SAMHD1: variants seen among roughly 807,000 people sequenced by gnomAD.
SAMHD1 encodes deoxynucleoside triphosphate triphosphohydrolase SAMHD1.
In SAMHD1, 54 loss-of-function variants were observed where a neutral mutation model predicts 79.6. The observed-to-expected ratio is 0.68, with a 90% CI of 0.55 to 0.85. The LOEUF (loss-of-function observed/expected upper bound fraction) is 0.85, where lower values mean the gene tolerates loss of function less well. Ranked by LOEUF, SAMHD1 falls within the 40% of genes least tolerant of loss-of-function variation. The pLI is 0.00. For missense variants in SAMHD1, 663 were observed against 782.7 expected, an observed-to-expected ratio of 0.85 and a Z score of 1.82; for synonymous variants, 260 against 264.1, an observed-to-expected ratio of 0.98 and a Z score of 0.15.
intron 9 of SAMHD1, among the ~76,000 whole-genome samples, chr20:36,916,230 TTA>T (rs1022784463): frequency 3.9e-5 from 6 of 152,158 alleles, no homozygotes; most frequent in African/African-American, 1.4e-4. Flanking sequence ...CACTTGTTAA[TTA>T]TATGCCTTCT....
intron 1 of SAMHD1, among the ~76,000 whole-genome samples, chr20:36,950,461 T>C (rs943397405): frequency 2.6e-5 from 4 of 152,000 alleles, no homozygotes; most frequent in African/African-American, 9.7e-5. Context: ...ATGCAAAAAT[T>C]TACTAAATTT....
At chr20:36,904,719 A>C in intron 12 of SAMHD1, 1 of 177,654 alleles carries the variant, frequency 5.6e-6, no homozygotes, top group East Asian at 1.4e-4. Context: ...TCTGTCTAAA[A>C]ACAAACAAAC....
rs1369844521 is a variant in SAMHD1, at chr20:36,890,390, T to TTC, written c.*2540_*2541dup. 5 of 19,714 alleles carry TTC rather than the reference T, an allele frequency of 2.5e-4. No individual in the cohort carries two copies. The highest frequency in any genetic ancestry group is 6.4e-4 in the African/African-American group (4 of 6,268). 1.2% of individuals were successfully genotyped at this position (19,714 alleles called of 1,614,324 possible). A position where few individuals can be genotyped will look rare whatever the true frequency, so the allele number is the denominator to read the frequency against. ...ATTTTTATACAAATAGCAAAGATATTTCTTTCTCTTTCTTTCTTTCTTTCT... is the reference window on the plus strand; with the variant it reads ...ATTTTTATACAAATAGCAAAGATATTTCTCTTTCTCTTTCTTTCTTTCTTTCT... On this transcript the variant is annotated 3_prime_UTR_variant, in exon 16 of 16. Transcript: ENST00000646673.
intron 3 of SAMHD1, among the ~76,000 whole-genome samples, chr20:36,937,490 A>C (rs1016284144): frequency 1.3e-5 from 2 of 152,244 alleles, no homozygotes; most frequent in Non-Finnish European, 2.9e-5. Flanking sequence ...ATAAGGATTT[A>C]CATCCAGAAC....
intron 2 of SAMHD1, 50 bp downstream of exon 2, chr20:36,946,688 A>G: frequency 6.9e-7 from 1 of 1,445,712 alleles, no homozygotes; most frequent in Non-Finnish European, 9.6e-7. Context: ...TCCCTGAAAG[A>G]TGGATAAAGT....
chr20:36,900,204 A>C lies in SAMHD1; in HGVS notation c.1504-1660T>G, dbSNP rs181882598. Among the ~76,000 whole-genome samples the C allele has an allele frequency of 3.0e-3, 457 of 152,266 alleles. 3 individuals carry two copies. Among genetic ancestry groups the C allele is most frequent in the African/African-American group, 0.01 (433 of 41,556 alleles). On this transcript the variant is annotated intron_variant, in intron 13 of 15. Transcript: ENST00000646673. ...CAGCTAGATAGGAGGAGTAAGTTCT[A>C]GGGTTCTATAGTACTGTAGGATGAC...
chr20:36,931,994 A>C (rs1435130067), intron 4 of SAMHD1, among the ~76,000 whole-genome samples: 1 of 151,994 alleles, frequency 6.6e-6, no homozygotes, highest in Non-Finnish European at 1.5e-5. Context: ...AACAAAAAAA[A>C]GAGGGCCGGG....
chr20:36,899,227 A>G (rs1350326717), intron 13 of SAMHD1, among the ~76,000 whole-genome samples: 3 of 150,644 alleles, frequency 2.0e-5, no homozygotes, highest in Non-Finnish European at 4.4e-5. Context: ...CCTGGTCAAC[A>G]TGGTGAAACC....
chr20:36,910,131 G>A (rs1350972573), intron 11 of SAMHD1, among the ~76,000 whole-genome samples: 2 of 151,568 alleles, frequency 1.3e-5, no homozygotes, highest in Non-Finnish European at 2.9e-5. Context: ...GCTGAGGCAG[G>A]AGAATGGTGT....
intron 6 of SAMHD1, among the ~76,000 whole-genome samples, chr20:36,921,379 C>T (rs1469515253): frequency 5.0e-5 from 5 of 99,428 alleles, no homozygotes; most frequent in Non-Finnish European, 7.0e-5. Context: ...GGCGACACAG[C>T]GAGACTCTGT....
At chr20:36,944,472 C>T (rs1248240214) in intron 2 of SAMHD1, among the ~76,000 whole-genome samples, 1 of 152,176 alleles carries the variant, frequency 6.6e-6, no homozygotes, top group African/African-American at 2.4e-5. Flanking sequence ...GGAAGTAATT[C>T]AGTATAATCC....
intron 13 of SAMHD1, 37 bp from the exon 14 acceptor site, chr20:36,898,581 G>T: frequency 6.7e-7 from 1 of 1,495,982 alleles, no homozygotes; most frequent in Non-Finnish European, 9.3e-7. Flanking sequence ...CATATAGCAA[G>T]CAGGAGAACT....
chr20:36,945,147 T>C (rs2063677297), intron 2 of SAMHD1, among the ~76,000 whole-genome samples: 1 of 152,334 alleles, frequency 6.6e-6, no homozygotes, highest in East Asian at 1.9e-4. Flanking sequence ...GGGATCTTCC[T>C]GCTTCAGCCT....
chr20:36,947,250 T>C (rs1054322239), intron 1 of SAMHD1, among the ~76,000 whole-genome samples: 2 of 152,066 alleles, frequency 1.3e-5, no homozygotes, highest in Admixed American at 6.6e-5. Flanking sequence ...TCAAGAGTGC[T>C]TAAAGTGTTG....
At chr20:36,929,907 A>G (rs2063557673) in intron 5 of SAMHD1, among the ~76,000 whole-genome samples, 1 of 152,110 alleles carries the variant, frequency 6.6e-6, no homozygotes, top group African/African-American at 2.4e-5. Flanking sequence ...CAAATAACCG[A>G]AGGAAAAATG....
chr20:36,927,314 CTTTTTTTTTT>C lies in SAMHD1; in HGVS notation c.626-72_626-63del, dbSNP rs529639777. On this transcript the variant is annotated intron_variant, in intron 5 of 15. Coordinates refer to ENST00000646673, the MANE Select transcript of SAMHD1 (RefSeq NM_015474.4). ...TCTGTAAACCAACAAAAACTTTTTC[CTTTTTTTTTT>C]TTTTTTTTTTGAGACGGAGTTTCGC... 73 of 766,244 alleles carry C rather than the reference CTTTTTTTTTT, an allele frequency of 9.5e-5. No individual in the cohort carries two copies. The African/African-American group carries it at 1.2e-3, about 13-fold the overall frequency. The allele number at this position is 766,244 out of a possible 1,614,324, so 47.5% of individuals were successfully genotyped here.
chr20:36,944,790 AG>A (rs757322144), intron 2 of SAMHD1, among the ~76,000 whole-genome samples: 2 of 152,112 alleles, frequency 1.3e-5, no homozygotes, highest in Non-Finnish European at 2.9e-5. Context: ...GCTACTCGGG[AG>A]GCTGAGGCAG....
At chr20:36,940,701 TAAA>T (rs897249101) in intron 3 of SAMHD1, 29 of 296,704 alleles carry the variant, frequency 9.8e-5, no homozygotes, top group South Asian at 9.0e-4. Flanking sequence ...CACATTTCAT[TAAA>T]AAAAAAAGAA....
chr20:36,923,756 C>G (rs2063520497), intron 6 of SAMHD1, among the ~76,000 whole-genome samples: 1 of 151,942 alleles, frequency 6.6e-6, no homozygotes, highest in Non-Finnish European at 1.5e-5. Flanking sequence ...CAAGACCAGC[C>G]TGGGCAACAT....
Sources: gnomAD v4.1 joint callset for allele counts (sites outside exome capture counted in the v4.1 genomes callset) on GRCh38, gnomAD v4.1.1 for gene constraint, MANE v1.5 for transcripts, NCBI Gene and HGNC (gene_info 2026-07-23, HGNC 2026-07-21) for gene names.